Variants in LINGO3 observed in about 807,000 individuals in gnomAD.
LINGO3 encodes the protein leucine-rich repeat and immunoglobulin-like domain-containing nogo receptor-interacting protein 3.
For synonymous variants in LINGO3, 427 were observed against 444.2 expected (o/e 0.96, Z 0.49); for missense variants, 750 against 867.7 (o/e 0.86, Z 1.70).
chr19:2,291,615 G>A (rs2025524033), exon 1 of LINGO3: 6 of 1,487,460 alleles, frequency 4.0e-6, no homozygotes, highest in Non-Finnish European at 5.3e-6. Context: ...GGCGGGTCTC[G>A]GCCGGGATGC....
exon 1 of LINGO3, chr19:2,289,860 G>C: frequency 1.5e-6 from 1 of 669,502 alleles, no homozygotes; most frequent in South Asian, 2.0e-5. Flanking sequence ...CCTGCGGTTG[G>C]GCGTCTACAA....
rs1284478432 is a variant in LINGO3, at chr19:2,290,803, A to G, written c.974T>C (p.Leu325Pro). The G allele has an allele frequency of 3.7e-6, 6 of 1,612,450 alleles. No individual in the cohort carries two copies. Among genetic ancestry groups the G allele is most frequent in the Non-Finnish European group, 4.2e-6 (5 of 1,179,586 alleles). Residue 325 changes from leucine (L) to proline (P), a missense_variant, in exon 1 of 1, where the codon CTC (leucine) becomes CCC (proline). Leu to Pro is a moderately conservative substitution (Grantham distance 98). Transcript: ENST00000585527. The surrounding 1 kb of genome is among the most constrained non-coding windows in gnomAD (Gnocchi z 6.0). The stretch of plus-strand genomic sequence containing the variant: ...CAACGTGGAGAGCAGGTTGTTGGAG[A>G]GGTTGAGCAGGCGGATCTGGCGCAG...
upstream of LINGO3, among the ~76,000 whole-genome samples, chr19:2,293,157 C>T (rs536125242): frequency 3.9e-4 from 60 of 152,152 alleles, no homozygotes; most frequent in South Asian, 0.012. Context: ...CTCTGCCTCC[C>T]GGGTTCACGC....
At chr19:2,294,694 G>A (rs1180045113), upstream of LINGO3, among the ~76,000 whole-genome samples, 4 of 152,082 alleles carry the variant, frequency 2.6e-5, no homozygotes, top group East Asian at 3.9e-4. This position sits in a 1 kb window ranked among gnomAD's most constrained non-coding sequence, Gnocchi z 4.3. Flanking sequence ...AGGCGCCAAT[G>A]CTCCGTGGGT....
chr19:2,294,343 G>A (rs950208501), upstream of LINGO3, among the ~76,000 whole-genome samples: 16 of 152,170 alleles, frequency 1.1e-4, no homozygotes, highest in Admixed American at 5.9e-4. This position sits in a 1 kb window ranked among gnomAD's most constrained non-coding sequence, Gnocchi z 4.3. Flanking sequence ...CAGGAAGGAC[G>A]CGCCCCGGGA....
the LINGO3 span, among the ~76,000 whole-genome samples, chr19:2,303,439 G>A: frequency 2.0e-5 from 3 of 152,244 alleles, no homozygotes; most frequent in Non-Finnish European, 4.4e-5. Flanking sequence ...TGGATGGGGA[G>A]CCGGGGTCAG....
chr19:2,303,443 G>C, the LINGO3 span, among the ~76,000 whole-genome samples: 1 of 152,166 alleles, frequency 6.6e-6, no homozygotes, highest in East Asian at 1.9e-4. Flanking sequence ...TGGGGAGCCG[G>C]GGTCAGCAGG....
Position 2,290,300 on chromosome 19 carries a change from C to T in LINGO3, c.1477G>A (p.Ala493Thr), listed in dbSNP as rs931109006. ...GGCTCGGGGCGCACGGTCAGCGTGG[C>T]GAAGTAGGTGTCGTTGCCGCCCGCG... is the stretch of plus-strand genomic sequence containing the variant. The change falls in exon 1 of 1, where the codon GCC (alanine) becomes ACC (threonine). Residue 493 changes from alanine (A) to threonine (T), a missense_variant. Ala to Thr is a moderately conservative substitution (Grantham distance 58). Coordinates refer to ENST00000585527, the Ensembl canonical transcript of LINGO3. This position sits in a 1 kb window ranked among gnomAD's most constrained non-coding sequence, Gnocchi z 6.0. 1 of 1,577,398 alleles carries T rather than the reference C, an allele frequency of 6.3e-7. No homozygotes were observed. Among genetic ancestry groups the T allele is most frequent in the Non-Finnish European group, 8.6e-7 (1 of 1,167,542 alleles).
downstream of LINGO3, among the ~76,000 whole-genome samples, chr19:2,288,101 C>T (rs904546125): frequency 6.6e-5 from 10 of 152,194 alleles, no homozygotes; most frequent in African/African-American, 1.7e-4. The surrounding 1 kb of genome is among the most constrained non-coding windows in gnomAD (Gnocchi z 6.5). Context: ...GTTTGCCCCC[C>T]GTGACAGGAT....
the LINGO3 span, among the ~76,000 whole-genome samples, chr19:2,299,777 G>A: frequency 7.0e-6 from 1 of 142,894 alleles, no homozygotes; most frequent in East Asian, 2.0e-4. Context: ...AGGCTGGAGT[G>A]CAGTGGTGCG....
the LINGO3 span, among the ~76,000 whole-genome samples, chr19:2,299,118 T>A: frequency 2.0e-5 from 3 of 152,164 alleles, no homozygotes; most frequent in Non-Finnish European, 4.4e-5. Flanking sequence ...GGACAGCTGA[T>A]CCCTCGCGCC....
At chr19:2,297,367 T>TGC in the LINGO3 span, among the ~76,000 whole-genome samples, 1 of 132,288 alleles carries the variant, frequency 7.6e-6, no homozygotes, top group Non-Finnish European at 1.6e-5. Context: ...TGCAGTGGCA[T>TGC]GATCTCTGTT....
At chr19:2,297,063 A>C in the LINGO3 span, among the ~76,000 whole-genome samples, 1 of 150,956 alleles carries the variant, frequency 6.6e-6, no homozygotes, top group Admixed American at 6.6e-5. Context: ...CTGCACTCCA[A>C]CCTGGGCGAC....
downstream of LINGO3, among the ~76,000 whole-genome samples, chr19:2,289,411 G>A (rs1165891710): frequency 6.6e-6 from 1 of 152,018 alleles, no homozygotes; most frequent in Admixed American, 6.6e-5. Flanking sequence ...TGTCGGCTGG[G>A]TGTGAGGTGT....
At chr19:2,292,859 G>A (rs537437783), upstream of LINGO3, among the ~76,000 whole-genome samples, 4 of 152,148 alleles carry the variant, frequency 2.6e-5, no homozygotes, top group East Asian at 1.9e-4. Flanking sequence ...ATTCACAGCC[G>A]CATCTGTAAC....
chr19:2,287,341 C>T (rs1161763867), downstream of LINGO3, among the ~76,000 whole-genome samples: 2 of 152,078 alleles, frequency 1.3e-5, no homozygotes, highest in African/African-American at 4.8e-5. This position sits in a 1 kb window ranked among gnomAD's most constrained non-coding sequence, Gnocchi z 4.5. Context: ...GCACCCCCTC[C>T]TGTCTTTGAT....
the LINGO3 span, among the ~76,000 whole-genome samples, chr19:2,306,332 C>T: frequency 1.3e-5 from 2 of 152,298 alleles, no homozygotes; most frequent in East Asian, 3.9e-4. Context: ...TTTGGAGGCC[C>T]GAGATTGACA....
At chr19:2,293,299 C>T (rs534734284), upstream of LINGO3, among the ~76,000 whole-genome samples, 5 of 151,614 alleles carry the variant, frequency 3.3e-5, no homozygotes, top group African/African-American at 4.8e-5. Flanking sequence ...CTCCTGACCT[C>T]GTGATCCACC....
chr19:2,293,738 T>C (rs187106417), upstream of LINGO3, among the ~76,000 whole-genome samples: 223 of 151,722 alleles, frequency 1.5e-3, 1 homozygote, highest in Non-Finnish European at 2.3e-3. Context: ...CAGACCCTGT[T>C]GTAGGTGGAA....
Sources: gnomAD v4.1 joint callset for allele counts (sites outside exome capture counted in the v4.1 genomes callset) on GRCh38, gnomAD v4.1.1 for gene constraint, Gnocchi (gnomAD v3.1) non-coding constraint, MANE v1.5 for transcripts, NCBI Gene and HGNC (gene_info 2026-07-23, HGNC 2026-07-21) for gene names.